STAG1: variants seen among roughly 807,000 people sequenced by gnomAD.
STAG1 encodes the protein STAG1 cohesin complex component.
Under a neutral mutation model 170.9 loss-of-function variants are expected in STAG1, and 26 were observed. The ratio of observed to expected loss-of-function variants is 0.15; its 90% CI spans 0.11 to 0.21. The LOEUF (loss-of-function observed/expected upper bound fraction) is 0.21. Ranked by LOEUF, STAG1 falls within the 10% of genes least tolerant of loss-of-function variation. The pLI is 1.00. For synonymous variants in STAG1, 514 were observed against 497.7 expected, an observed-to-expected ratio of 1.03 and a Z score of -0.44; for missense variants, 964 against 1,509.5, an observed-to-expected ratio of 0.64 and a Z score of 5.99.
chr3:136,457,277 T>G (rs918134178), intron 13 of STAG1, among the ~76,000 whole-genome samples: 1 of 152,176 alleles, frequency 6.6e-6, no homozygotes, highest in Admixed American at 6.5e-5. Flanking sequence ...GCCTCTGGAA[T>G]GTGCGCAGAC....
intron 20 of STAG1, 76 bp downstream of exon 20, chr3:136,421,017 C>T: frequency 3.6e-6 from 3 of 822,470 alleles, no homozygotes; most frequent in Non-Finnish European, 5.7e-6. Context: ...GCAATCTGCC[C>T]ATCTCGGCCT....
chr3:136,392,046 CTGAA>C (rs1051289593), intron 22 of STAG1, among the ~76,000 whole-genome samples: 3 of 152,068 alleles, frequency 2.0e-5, no homozygotes, highest in African/African-American at 7.2e-5. Context: ...TCATAATCTC[CTGAA>C]TGAGTGTTTA....
intron 4 of STAG1, among the ~76,000 whole-genome samples, chr3:136,574,243 C>A (rs558027610): frequency 2.4e-4 from 36 of 151,002 alleles, no homozygotes; most frequent in African/African-American, 8.5e-4. Flanking sequence ...CTCTGTCCCC[C>A]CAAAAAAAAA....
chr3:136,380,981 G>A (rs1284656594), intron 22 of STAG1, among the ~76,000 whole-genome samples: 2 of 147,670 alleles, frequency 1.4e-5, no homozygotes, highest in Admixed American at 6.8e-5. Flanking sequence ...GATTGATTGT[G>A]CCACTGCACT....
At chr3:136,382,719 TTTATTG>T (rs1312528091) in intron 22 of STAG1, among the ~76,000 whole-genome samples, 14 of 152,150 alleles carry the variant, frequency 9.2e-5, no homozygotes, top group African/African-American at 3.1e-4. Context: ...CCAGGCTTTC[TTTATTG>T]TTATTATTTT....
intron 1 of STAG1, among the ~76,000 whole-genome samples, chr3:136,734,123 A>T (rs921944245): frequency 1.4e-5 from 2 of 143,558 alleles, no homozygotes; most frequent in African/African-American, 5.1e-5. Context: ...AAAAAAAAAA[A>T]CAAAACAAAA....
intron 1 of STAG1, among the ~76,000 whole-genome samples, chr3:136,650,114 T>C (rs1408389866): frequency 2.6e-5 from 4 of 151,882 alleles, no homozygotes; most frequent in Middle Eastern, 3.2e-3. Context: ...CATGTGCCTG[T>C]AGCCCCGGCT....
intron 1 of STAG1, among the ~76,000 whole-genome samples, chr3:136,647,623 ATTC>A (rs1429295077): frequency 5.3e-5 from 8 of 152,134 alleles, no homozygotes; most frequent in Non-Finnish European, 4.4e-5. Flanking sequence ...AAAAAAAGAT[ATTC>A]TTCTTGTTCT....
intron 6 of STAG1, among the ~76,000 whole-genome samples, chr3:136,522,346 C>CA (rs1003823404): frequency 2.6e-5 from 4 of 152,128 alleles, no homozygotes; most frequent in Admixed American, 2.0e-4. Context: ...GACTCAGAGT[C>CA]AAAATCCCAA....
intron 30 of STAG1, among the ~76,000 whole-genome samples, chr3:136,342,009 A>AT (rs1436481229): frequency 2.6e-5 from 4 of 151,968 alleles, no homozygotes; most frequent in African/African-American, 9.7e-5. Flanking sequence ...GTGTGTAAAC[A>AT]TGCCTCTAAG....
At chr3:136,617,479 G>A (rs149460826) in intron 3 of STAG1, among the ~76,000 whole-genome samples, 1 of 152,274 alleles carries the variant, frequency 6.6e-6, no homozygotes, top group East Asian at 1.9e-4. Flanking sequence ...CAGTTCAATG[G>A]TTCTTCAGCC....
intron 1 of STAG1, among the ~76,000 whole-genome samples, chr3:136,661,534 G>A (rs779213404): frequency 5.3e-5 from 8 of 152,104 alleles, no homozygotes; most frequent in Middle Eastern, 3.4e-3. Flanking sequence ...ATACACATAC[G>A]AAATATAAAT....
intron 9 of STAG1, among the ~76,000 whole-genome samples, chr3:136,489,394 A>G (rs2090078912): frequency 6.6e-6 from 1 of 152,196 alleles, no homozygotes; most frequent in Non-Finnish European, 1.5e-5. Flanking sequence ...TGTTTCTTGT[A>G]TTACCCTTAT....
chr3:136,522,053 G>A (rs139577821), intron 6 of STAG1, among the ~76,000 whole-genome samples: 1 of 152,152 alleles, frequency 6.6e-6, no homozygotes. Flanking sequence ...ACAAAACGTA[G>A]AGTACAACCC....
chr3:136,457,599 C>T (rs760545810), intron 13 of STAG1, among the ~76,000 whole-genome samples: 7 of 152,120 alleles, frequency 4.6e-5, no homozygotes, highest in African/African-American at 1.4e-4. Context: ...TTTTCTCATT[C>T]CTTTGACTCT....
chr3:136,448,412 A>C (rs2088845440), intron 14 of STAG1, among the ~76,000 whole-genome samples: 1 of 152,212 alleles, frequency 6.6e-6, no homozygotes, highest in East Asian at 1.9e-4. Flanking sequence ...AAGGAAGAGC[A>C]AAGGGACATC....
intron 1 of STAG1, among the ~76,000 whole-genome samples, chr3:136,718,232 G>C (rs1392114511): frequency 6.6e-6 from 1 of 152,084 alleles, no homozygotes; most frequent in Non-Finnish European, 1.5e-5. Context: ...ACGATATTGG[G>C]GAGAAGAGTC....
At chr3:136,407,426 ACATTT>A (rs1261268630) in intron 21 of STAG1, among the ~76,000 whole-genome samples, 5 of 152,226 alleles carry the variant, frequency 3.3e-5, no homozygotes, top group Non-Finnish European at 5.9e-5. Context: ...TGTAAATAAT[ACATTT>A]CATAATATTT....
At chr3:136,548,255 A>T (rs1936243464) in intron 5 of STAG1, among the ~76,000 whole-genome samples, 1 of 151,792 alleles carries the variant, frequency 6.6e-6, no homozygotes, top group South Asian at 2.1e-4. Context: ...TGGGACTACA[A>T]GCAAGCACCA....
Sources: allele counts gnomAD v4.1 joint callset (sites outside exome capture counted in the v4.1 genomes callset), GRCh38; gene constraint gnomAD v4.1.1; transcripts MANE v1.5; gene names NCBI Gene and HGNC (gene_info 2026-07-23, HGNC 2026-07-21).